OR8B2: variants seen among roughly 807,000 people sequenced by gnomAD.
OR8B2 encodes olfactory receptor family 8 subfamily B member 2.
For synonymous variants in OR8B2, 98 were observed against 138.2 expected, an observed-to-expected ratio of 0.71 and a Z score of 2.04; for missense variants, 304 against 379.6, an observed-to-expected ratio of 0.80 and a Z score of 1.65.
At chr11:124,384,046 T>C (rs1403862907) in intron 1 of OR8B2, among the ~76,000 whole-genome samples, 2 of 134,266 alleles carry the variant, frequency 1.5e-5, no homozygotes, top group Non-Finnish European at 3.2e-5. Flanking sequence ...GGTACAGTTA[T>C]ATTAGTTGTT....
chr11:124,388,491 C>G (rs1180609097), upstream of OR8B2, among the ~76,000 whole-genome samples: 1 of 152,154 alleles, frequency 6.6e-6, no homozygotes, highest in East Asian at 1.9e-4. Context: ...CCAGAGTCCT[C>G]CAGTTGCATT....
At position 124,382,845 on chromosome 11, in the gene OR8B2, T is replaced by G. The variant is rs745901199; in HGVS notation, c.499A>C (p.Thr167Pro). 16 of 1,603,954 alleles carry G rather than the reference T, an allele frequency of 1.0e-5. No individual in the cohort carries two copies. In the African/African-American group the frequency reaches 1.7e-4, roughly 18 times the overall value. ...TAHTGCMLRLTFCSANIINHY... is the reference protein window; with the variant it reads ...TAHTGCMLRLPFCSANIINHY... ...TTGATGATATTAGCACTGCAGAAGGTGAGTCTAAGCATGCACCCGGTGTGG... is the reference window on the plus strand; with the variant it reads ...TTGATGATATTAGCACTGCAGAAGGGGAGTCTAAGCATGCACCCGGTGTGG... Residue 167 changes from threonine to proline, a missense_variant, in exon 2 of 2, where the codon ACC becomes CCC. Physicochemically the swap from Thr to Pro is conservative, Grantham distance 38 (BLOSUM62 -1). Coordinates refer to ENST00000641451, the MANE Select transcript of OR8B2 (RefSeq NM_001005468.2).
chr11:124,396,062 A>T, the OR8B2 span: 4 of 182,080 alleles, frequency 2.2e-5, no homozygotes, highest in East Asian at 4.4e-4. Flanking sequence ...GGCACTTCTG[A>T]GTTTAGGTGA....
At chr11:124,384,502 A>G (rs534464795), upstream of OR8B2, 19 of 152,286 alleles carry the variant, frequency 1.2e-4, no homozygotes, top group African/African-American at 2.6e-4. Flanking sequence ...CTTCTCCCTT[A>G]CCTGGCAAAA....
upstream of OR8B2, among the ~76,000 whole-genome samples, chr11:124,388,654 G>T (rs889262720): frequency 1.3e-5 from 2 of 151,976 alleles, no homozygotes; most frequent in Non-Finnish European, 2.9e-5. Flanking sequence ...AGATTCTACT[G>T]ATTTATTTCA....
chr11:124,386,132 C>T (rs891661183), upstream of OR8B2, among the ~76,000 whole-genome samples: 23 of 151,250 alleles, frequency 1.5e-4, no homozygotes, highest in Non-Finnish European at 2.8e-4. Context: ...TGTTTATCTA[C>T]TGTCTAATTT....
chr11:124,384,153 C>A (rs659558), intron 1 of OR8B2, among the ~76,000 whole-genome samples: 8 of 149,256 alleles, frequency 5.4e-5, no homozygotes, highest in Non-Finnish European at 1.0e-4. Flanking sequence ...AGAGACAAAT[C>A]TCCTTTCCTG....
chr11:124,393,324 G>T, the OR8B2 span, among the ~76,000 whole-genome samples: 1 of 147,890 alleles, frequency 6.8e-6, no homozygotes. Flanking sequence ...AGAATGAACA[G>T]GCAACCTACA....
chr11:124,382,664 T>C lies in OR8B2; in HGVS notation c.680A>G (p.His227Arg). 1.9e-6 allele frequency: 3 copies of C among 1,613,342 alleles called. No homozygotes were observed. The highest frequency in any genetic ancestry group is 4.5e-5 in the East Asian group (2 of 44,878). The part of the protein sequence containing the change: ...SYVFIVTSIL[H>R]IKSTQGRSKA... ...TGATCTTCCTTGAGTGGATTTGATATGAAGAATGCTAGTGACAATGAAAAC... is the reference window on the plus strand; with the variant it reads ...TGATCTTCCTTGAGTGGATTTGATACGAAGAATGCTAGTGACAATGAAAAC... The change falls in exon 2 of 2, where the codon CAT becomes CGT. Residue 227 changes from histidine to arginine, a missense_variant. Transcript: ENST00000641451.
chr11:124,388,685 C>A (rs1458068834), upstream of OR8B2, among the ~76,000 whole-genome samples: 3 of 152,030 alleles, frequency 2.0e-5, no homozygotes, highest in African/African-American at 7.3e-5. Context: ...TTCTTTTTTG[C>A]ATTTAGGTTA....
chr11:124,389,296 CTTTA>C (rs111714271), upstream of OR8B2, among the ~76,000 whole-genome samples: 2,321 of 152,180 alleles, frequency 0.015, 45 homozygotes, highest in African/African-American at 0.052. Flanking sequence ...TGGAAAATTG[CTTTA>C]TTTAATGACT....
rs904560050 is a variant in OR8B2, at chr11:124,383,169, T to C, written c.175A>G (p.Met59Val). The C allele has an allele frequency of 3.7e-6, 6 of 1,613,738 alleles. No homozygotes were observed. Among genetic ancestry groups the C allele is most frequent in the African/African-American group, 1.3e-5 (1 of 74,912 alleles). The change falls in exon 2 of 2, where the codon ATG becomes GTG. Residue 59 changes from methionine (M) to valine (V), a missense_variant. Physicochemically the swap from Met to Val is conservative, Grantham distance 21 (BLOSUM62 1). Coordinates refer to ENST00000641451, the MANE Select transcript of OR8B2 (RefSeq NM_001005468.2). ...GAGAGATTGAAGAGGAAATAGTACA[T>C]TGGTGTGTGGAGGTGAGAATTTAGA... ...FGLNSHLHTP[M>V]YYFLFNLSFI...
At chr11:124,384,268 C>G (rs1008507183) in intron 1 of OR8B2, 106 bp downstream of exon 1, 3 of 152,124 alleles carry the variant, frequency 2.0e-5, no homozygotes, top group Non-Finnish European at 2.9e-5. Flanking sequence ...AATGCAAGCC[C>G]GAGAGTCAGA....
the OR8B2 span, among the ~76,000 whole-genome samples, chr11:124,393,856 A>G: frequency 6.6e-6 from 1 of 151,016 alleles, no homozygotes; most frequent in African/African-American, 2.5e-5. Context: ...GAACCAACCC[A>G]AATGTCCAAC....
At chr11:124,390,755 T>C in the OR8B2 span, among the ~76,000 whole-genome samples, 1 of 102,982 alleles carries the variant, frequency 9.7e-6, no homozygotes, top group Admixed American at 1.2e-4. Context: ...TAATTAAGTT[T>C]ATTTGTTTTT....
the OR8B2 span, among the ~76,000 whole-genome samples, chr11:124,394,639 T>C: frequency 6.6e-6 from 1 of 152,112 alleles, no homozygotes. Flanking sequence ...TGCTGAGTCA[T>C]TGGCTCAGGA....
upstream of OR8B2, among the ~76,000 whole-genome samples, chr11:124,387,182 C>A (rs74898862): frequency 7.1e-6 from 1 of 140,830 alleles, no homozygotes; most frequent in African/African-American, 2.6e-5. Context: ...GAGTAGGTTG[C>A]GAAAATTTTC....
In OR8B2 at chr11:124,383,256, G is replaced by C. The variant is rs776766294; in HGVS notation, c.88C>G (p.Leu30Val). The C allele has an allele frequency of 5.0e-6, 8 of 1,613,944 alleles. No individual in the cohort carries two copies. The Admixed American group carries it at 1.3e-4, about 27-fold the overall frequency. ...GTGACAATGTAGATCACTAGAAACA[G>C]GAAAAAGAGGGGTTGCCGGAACTCT... ...HPEFRQPLFF[L>V]FLVIYIVTMV... Residue 30 changes from leucine to valine, a missense_variant, in exon 2 of 2, where the codon CTG becomes GTG. Coordinates refer to ENST00000641451, the MANE Select transcript of OR8B2 (RefSeq NM_001005468.2).
chr11:124,384,311 A>G (rs1860658835), intron 1 of OR8B2, 63 bp downstream of exon 1: 1 of 152,174 alleles, frequency 6.6e-6, no homozygotes. Context: ...GCTATTGAAT[A>G]AATACTTTTC....
Sources: allele counts gnomAD v4.1 joint callset (sites outside exome capture counted in the v4.1 genomes callset), GRCh38; gene constraint gnomAD v4.1.1; transcripts MANE v1.5; gene names NCBI Gene and HGNC (gene_info 2026-07-23, HGNC 2026-07-21).